The following CBL variants were observed in gnomAD, a reference collection of about 807,000 sequenced individuals.
The protein encoded by CBL is E3 ubiquitin-protein ligase CBL.
In CBL, 45 loss-of-function variants were observed where a neutral mutation model predicts 96.9. The observed-to-expected ratio is 0.46, with a 90% CI of 0.37 to 0.60. CBL has a LOEUF of 0.60. CBL is among the 20% of genes least tolerant of loss of function. The probability of loss-of-function intolerance (pLI) is 0.00; values close to 1 mark genes in which losing one functional copy is unlikely to be tolerated. For synonymous variants in CBL, 420 were observed against 426.8 expected (o/e 0.98, Z 0.20); for missense variants, 1,024 against 1,143.5 (o/e 0.90, Z 1.51).
At chr11:119,223,057 G>A (rs1949423659) in intron 1 of CBL, among the ~76,000 whole-genome samples, 2 of 151,874 alleles carry the variant, frequency 1.3e-5, no homozygotes, top group African/African-American at 4.8e-5. Context: ...GCGTGTACCT[G>A]TAGTCCCGGC....
chr11:119,306,394 C>T lies in CBL; in HGVS notation c.*6613C>T. The T allele has an allele frequency of 2.5e-6, 1 of 398,960 alleles. No homozygotes were observed. Among genetic ancestry groups the T allele is most frequent in the Non-Finnish European group, 4.4e-6 (1 of 226,152 alleles). The allele number at this position is 398,960 out of a possible 1,614,324, so 24.7% of individuals were successfully genotyped here. On this transcript the variant is annotated 3_prime_UTR_variant, in exon 16 of 16. Coordinates refer to ENST00000264033, the MANE Select transcript of CBL (RefSeq NM_005188.4). ...CCAAAAATGAATGTCAGGCCCCGCC[C>T]CCTCCCCACCAACATTGCCTCTCCT... is the stretch of plus-strand genomic sequence containing the variant.
chr11:119,218,654 G>C (rs947504388), intron 1 of CBL, among the ~76,000 whole-genome samples: 2 of 151,960 alleles, frequency 1.3e-5, no homozygotes, highest in African/African-American at 2.4e-5. Context: ...TATCTACACC[G>C]TCTACACTAC....
Position 119,299,741 on chromosome 11 carries a change from A to G in CBL, c.2681A>G (p.Glu894Gly). 1 of 1,614,114 alleles carries G rather than the reference A, an allele frequency of 6.2e-7. No homozygotes were observed. Among genetic ancestry groups the G allele is most frequent in the Non-Finnish European group, 8.5e-7 (1 of 1,180,030 alleles). The change falls in exon 16 of 16, where the codon GAA becomes GGA. Residue 894 changes from glutamate to glycine, a missense_variant. Transcript: ENST00000264033. The stretch of plus-strand genomic sequence containing the variant: ...GAGATGGCCAAAAACATCCTCCGGG[A>G]ATTTGTTTCCATTTCTTCTCCTGCC... Reference protein sequence around the residue: ...NIEMAKNILREFVSISSPAHV... With the variant: ...NIEMAKNILRGFVSISSPAHV...
In CBL at chr11:119,305,444, G is replaced by C; in HGVS notation, c.*5663G>C. Reference sequence around the variant, plus strand: ...TCCATGGACTTCTGGGTCCTCTTCAGGTTTGAGTGCTTGAAAATGTTCATT... The same window carrying C: ...TCCATGGACTTCTGGGTCCTCTTCACGTTTGAGTGCTTGAAAATGTTCATT... On this transcript the variant is annotated 3_prime_UTR_variant, in exon 16 of 16. Coordinates refer to ENST00000264033, the MANE Select transcript of CBL (RefSeq NM_005188.4). The C allele has an allele frequency of 4.3e-6, 1 of 230,696 alleles. No individual in the cohort carries two copies. Among genetic ancestry groups the C allele is most frequent in the Non-Finnish European group, 8.6e-6 (1 of 116,434 alleles). The allele number at this position is 230,696 out of a possible 1,614,324, so 14.3% of individuals were successfully genotyped here. A position where few individuals can be genotyped will look rare whatever the true frequency, so the allele number is the denominator to read the frequency against.
Position 119,226,793 on chromosome 11 carries a change from A to G in CBL, c.196-5655A>G, listed in dbSNP as rs529950909. Among the ~76,000 whole-genome samples the G allele has an allele frequency of 1.4e-4, 22 of 152,294 alleles. No individual in the cohort carries two copies. In the South Asian group the frequency reaches 1.4e-3, roughly 10 times the overall value. On this transcript the variant is annotated intron_variant, in intron 1 of 15. Coordinates refer to ENST00000264033, the MANE Select transcript of CBL (RefSeq NM_005188.4). Reference sequence around the variant, plus strand: ...CATTTTGATATGGCTATTTGATTCAATCTGGTCAAAGTACTAAAATGTTAT... The same window carrying G: ...CATTTTGATATGGCTATTTGATTCAGTCTGGTCAAAGTACTAAAATGTTAT...
intron 9 of CBL, among the ~76,000 whole-genome samples, chr11:119,281,268 CTTTG>C (rs1949931255): frequency 6.6e-6 from 1 of 152,024 alleles, no homozygotes; most frequent in Non-Finnish European, 1.5e-5. Context: ...TTTTTTGCTT[CTTTG>C]TTTATGTCCT....
chr11:119,223,850 C>T (rs1949432554), intron 1 of CBL, among the ~76,000 whole-genome samples: 1 of 152,116 alleles, frequency 6.6e-6, no homozygotes, highest in Non-Finnish European at 1.5e-5. Context: ...TGGTCTCGAT[C>T]TCCTGACCTC....
At chr11:119,229,547 C>T (rs1393576741) in intron 1 of CBL, among the ~76,000 whole-genome samples, 2 of 151,906 alleles carry the variant, frequency 1.3e-5, no homozygotes, top group Non-Finnish European at 2.9e-5. Flanking sequence ...TCCAGGAGTT[C>T]GAGGTTGTGG....
intron 1 of CBL, among the ~76,000 whole-genome samples, chr11:119,211,663 C>G (rs1949320157): frequency 6.6e-6 from 1 of 151,744 alleles, no homozygotes; most frequent in African/African-American, 2.4e-5. Flanking sequence ...ACCAGCACAC[C>G]CAGCTAATTT....
intron 1 of CBL, among the ~76,000 whole-genome samples, chr11:119,216,000 G>T (rs1343719625): frequency 6.6e-6 from 1 of 152,220 alleles, no homozygotes; most frequent in African/African-American, 2.4e-5. Context: ...CCGCAAGGAG[G>T]GAGAGGGGGT....
Position 119,307,717 on chromosome 11 carries a change from A to G in CBL, c.*7936A>G, listed in dbSNP as rs1427218018. Reference sequence around the variant, plus strand: ...GAAATTTTAAAGTCCTCCTTATTCAAGATTTTGAAATTCTTAGCCTGGGAG... The same window carrying G: ...GAAATTTTAAAGTCCTCCTTATTCAGGATTTTGAAATTCTTAGCCTGGGAG... On this transcript the variant is annotated 3_prime_UTR_variant, in exon 16 of 16. Coordinates refer to ENST00000264033, the MANE Select transcript of CBL (RefSeq NM_005188.4). The G allele has an allele frequency of 1.3e-5, 3 of 224,086 alleles. No individual in the cohort carries two copies. In the East Asian group the frequency reaches 2.0e-4, roughly 15 times the overall value. The allele number at this position is 224,086 out of a possible 1,614,324, so 13.9% of individuals were successfully genotyped here.
In CBL at chr11:119,221,202, C is replaced by G. The variant is rs1182597247; in HGVS notation, c.196-11246C>G. Among the ~76,000 whole-genome samples, 3 of 151,066 alleles carry G rather than the reference C, an allele frequency of 2.0e-5. No homozygotes were observed. In the East Asian group the frequency reaches 5.9e-4, roughly 29 times the overall value. Reference sequence around the variant, plus strand: ...AGGCTGCAGTGAGCTGACATCACACCACTGCATTCCAGCCTGGGTGACAGA... The same window carrying G: ...AGGCTGCAGTGAGCTGACATCACACGACTGCATTCCAGCCTGGGTGACAGA... On this transcript the variant is annotated intron_variant, in intron 1 of 15. Coordinates refer to ENST00000264033, the MANE Select transcript of CBL (RefSeq NM_005188.4).
chr11:119,239,199 G>A (rs1949567128), intron 2 of CBL, among the ~76,000 whole-genome samples: 2 of 152,034 alleles, frequency 1.3e-5, no homozygotes, highest in Admixed American at 6.6e-5. Context: ...TCAAACTCCT[G>A]GGCTCAAGCA....
intron 1 of CBL, among the ~76,000 whole-genome samples, chr11:119,216,349 T>G (rs1273364701): frequency 1.2e-5 from 1 of 86,026 alleles, no homozygotes; most frequent in African/African-American, 4.0e-5. Flanking sequence ...AATTTATTTA[T>G]TTATTTATTT....
At chr11:119,268,510 G>A (rs957778785) in intron 2 of CBL, among the ~76,000 whole-genome samples, 2 of 152,202 alleles carry the variant, frequency 1.3e-5, no homozygotes, top group African/African-American at 4.8e-5. Flanking sequence ...GTTTAATTCT[G>A]AACATGTTGC....
chr11:119,301,945 T>C lies in CBL; in HGVS notation c.*2164T>C, dbSNP rs1002538447. The stretch of plus-strand genomic sequence containing the variant: ...AGGCCCATCCATATTGTAATTTTTC[T>C]TTATCTGCAGATATTGCCTGTAGTC... On this transcript the variant is annotated 3_prime_UTR_variant, in exon 16 of 16. Coordinates refer to ENST00000264033, the MANE Select transcript of CBL (RefSeq NM_005188.4). The C allele has an allele frequency of 4.3e-6, 1 of 233,300 alleles. No homozygotes were observed. The highest frequency in any genetic ancestry group is 8.5e-6 in the Non-Finnish European group (1 of 118,042). The allele number at this position is 233,300 out of a possible 1,614,324, so 14.5% of individuals were successfully genotyped here.
intron 1 of CBL, among the ~76,000 whole-genome samples, chr11:119,208,071 A>C (rs1949288269): frequency 6.6e-6 from 1 of 152,196 alleles, no homozygotes; most frequent in South Asian, 2.1e-4. Flanking sequence ...TGTGTTGATT[A>C]TATTGGTGGT....
rs1949734828 is a variant in CBL, at chr11:119,259,381, GTTTA to G, written c.444-12351_444-12348del. ...TTGTGATTTTTTTCTCCCATGTATT[GTTTA>G]TTCTTATGTTTTTCCCCATTTATTG... On this transcript the variant is annotated intron_variant, in intron 2 of 15. Coordinates refer to ENST00000264033, the MANE Select transcript of CBL (RefSeq NM_005188.4). Among the ~76,000 whole-genome samples the G allele has an allele frequency of 2.6e-5, 4 of 151,772 alleles. No individual in the cohort carries two copies. In the South Asian group the frequency reaches 8.3e-4, roughly 32 times the overall value.
chr11:119,305,413 C>T lies in CBL; in HGVS notation c.*5632C>T, dbSNP rs143069410. On this transcript the variant is annotated 3_prime_UTR_variant, in exon 16 of 16. Transcript: ENST00000264033. ...AATCTAATAACGGGTTCCACTGTAG[C>T]CACTATCCATGGACTTCTGGGTCCT... 1,105 of 230,418 alleles carry T rather than the reference C, an allele frequency of 4.8e-3. 6 individuals carry two copies. The highest frequency in any genetic ancestry group is 0.014 in the Middle Eastern group (11 of 772). The allele number at this position is 230,418 out of a possible 1,614,324, so 14.3% of individuals were successfully genotyped here.
Sources: allele counts gnomAD v4.1 joint callset (sites outside exome capture counted in the v4.1 genomes callset), GRCh38; gene constraint gnomAD v4.1.1; transcripts MANE v1.5; gene names NCBI Gene and HGNC (gene_info 2026-07-23, HGNC 2026-07-21).